Variants in SLC25A24 observed in about 807,000 individuals in gnomAD.
SLC25A24 encodes solute carrier family 25 member 24.
A neutral mutation model predicts 60.7 loss-of-function variants in SLC25A24; 49 were observed. The ratio of observed to expected loss-of-function variants is 0.81; its 90% CI spans 0.64 to 1.02. The LOEUF (loss-of-function observed/expected upper bound fraction) is 1.02. Ranked by LOEUF, SLC25A24 falls within the 50% of genes least tolerant of loss-of-function variation. SLC25A24 has a pLI of 0.00. For synonymous variants in SLC25A24, 202 were observed against 200.6 expected, an observed-to-expected ratio of 1.01 and a Z score of -0.06; for missense variants, 564 against 586.3, an observed-to-expected ratio of 0.96 and a Z score of 0.39.
intron 2 of SLC25A24, among the ~76,000 whole-genome samples, chr1:108,182,285 CAA>C (rs1228406708): frequency 6.6e-6 from 1 of 152,072 alleles, no homozygotes; most frequent in Non-Finnish European, 1.5e-5. Context: ...AATATTCCTC[CAA>C]AGAGACTGAC....
At position 108,134,056 on chromosome 1, in the gene SLC25A24, A is replaced by G. The variant is rs1196231197; in HGVS notation, c.*2597T>C. 4 of 152,218 alleles carry G rather than the reference A, an allele frequency of 2.6e-5. No homozygotes were observed. Among genetic ancestry groups the G allele is most frequent in the Non-Finnish European group, 5.9e-5 (4 of 68,036 alleles). The allele number at this position is 152,218 out of a possible 1,614,324, so 9.4% of individuals were successfully genotyped here. A position where few individuals can be genotyped will look rare whatever the true frequency, so the allele number is the denominator to read the frequency against. On this transcript the variant is annotated 3_prime_UTR_variant, in exon 10 of 10. Coordinates refer to ENST00000565488, the MANE Select transcript of SLC25A24 (RefSeq NM_013386.5). ...TAAAGTACAATCTCTGCTTGCATAA[A>G]TTTATTCTCTTGACTGGGAGACAAG...
chr1:108,163,526 G>T (rs573776174), intron 3 of SLC25A24, among the ~76,000 whole-genome samples: 1 of 151,830 alleles, frequency 6.6e-6, no homozygotes, highest in Non-Finnish European at 1.5e-5. Flanking sequence ...TTGTAAGTTG[G>T]ATTCCTAGGT....
In SLC25A24 at chr1:108,187,933, T is replaced by TATATAG. The variant is rs1553256777; in HGVS notation, c.184-1980_184-1979insCTATAT. On this transcript the variant is annotated intron_variant, in intron 1 of 9. Transcript: ENST00000565488. Reference sequence around the variant, plus strand: ...AAATGGATAAGACATTATAGATATATATATATATATATTCATGCACTGTAT... The same window carrying TATATAG: ...AAATGGATAAGACATTATAGATATATATATAGATATATATATATTCATGCACTGTAT... Among the ~76,000 whole-genome samples, 27 of 141,000 alleles carry TATATAG rather than the reference T, an allele frequency of 1.9e-4. 1 individual carries two copies. Among genetic ancestry groups the TATATAG allele is most frequent in the African/African-American group, 7.1e-4 (27 of 37,832 alleles). The allele number at this position is 141,000 out of a possible 152,430, so 92.5% of individuals were successfully genotyped here. A position where few individuals can be genotyped will look rare whatever the true frequency, so the allele number is the denominator to read the frequency against.
At position 108,157,546 on chromosome 1, in the gene SLC25A24, C is replaced by T; in HGVS notation, c.585G>A (p.Trp195Ter). ...TEDEKKSGQWWRQLLAGGIAG... is the reference protein window; with the variant it reads ...TEDEKKSGQW ...CAATGCCTCCTGCCAAAAGCTGCCT[C>T]CACCATTGTCCGGATTTTTTTTCGT... is the stretch of plus-strand genomic sequence containing the variant. The change falls in exon 5 of 10, where the codon TGG becomes TGA. Residue 195 changes from tryptophan (W) to a stop codon, truncating the protein, a stop_gained. Transcript: ENST00000565488. LOFTEE classifies it high-confidence loss of function. The T allele has an allele frequency of 1.2e-6, 2 of 1,614,128 alleles. No individual in the cohort carries two copies. The highest frequency in any genetic ancestry group is 1.7e-6 in the Non-Finnish European group (2 of 1,180,026).
intron 3 of SLC25A24, among the ~76,000 whole-genome samples, chr1:108,171,175 G>T: frequency 6.7e-6 from 1 of 150,206 alleles, no homozygotes; most frequent in Admixed American, 6.6e-5. Context: ...CCCCTGATTT[G>T]GAAGTTATAT....
At chr1:108,147,046 G>A (rs911335531) in intron 7 of SLC25A24, among the ~76,000 whole-genome samples, 15 of 152,066 alleles carry the variant, frequency 9.9e-5, no homozygotes, top group African/African-American at 3.1e-4. Flanking sequence ...TCTGGTCCTG[G>A]GTTTTTTTTG....
chr1:108,140,787 G>A (rs1474912942), intron 8 of SLC25A24, among the ~76,000 whole-genome samples: 2 of 149,250 alleles, frequency 1.3e-5, no homozygotes, highest in Non-Finnish European at 3.0e-5. Context: ...GCACACAAAG[G>A]GAAATGAGAA....
At chr1:108,173,601 T>C (rs753543418) in intron 3 of SLC25A24, among the ~76,000 whole-genome samples, 1 of 152,146 alleles carries the variant, frequency 6.6e-6, no homozygotes, top group Non-Finnish European at 1.5e-5. Flanking sequence ...CCCAAAAATA[T>C]GGAACTGACT....
intron 4 of SLC25A24, among the ~76,000 whole-genome samples, chr1:108,160,325 C>A (rs1271083994): frequency 2.7e-5 from 4 of 146,780 alleles, no homozygotes; most frequent in Non-Finnish European, 3.0e-5. Flanking sequence ...GGATGGCGGC[C>A]GGGAAGAGGC....
intron 1 of SLC25A24, among the ~76,000 whole-genome samples, chr1:108,189,429 G>C (rs987091621): frequency 6.6e-6 from 1 of 152,158 alleles, no homozygotes; most frequent in African/African-American, 2.4e-5. Flanking sequence ...CTGCCCAGGA[G>C]GTGAATGTCC....
chr1:108,186,274 C>T (rs1648123214), intron 1 of SLC25A24, among the ~76,000 whole-genome samples: 1 of 152,136 alleles, frequency 6.6e-6, no homozygotes, highest in Non-Finnish European at 1.5e-5. Flanking sequence ...TAGAAGACAA[C>T]CACTTGACCT....
chr1:108,140,353 C>G (rs1679411050), intron 8 of SLC25A24, among the ~76,000 whole-genome samples: 1 of 152,044 alleles, frequency 6.6e-6, no homozygotes, highest in Non-Finnish European at 1.5e-5. Context: ...CAAACAAAAG[C>G]TGATACAGCT....
In SLC25A24 at chr1:108,136,578, T is replaced by G; in HGVS notation, c.*75A>C. The G allele has an allele frequency of 7.7e-7, 1 of 1,304,184 alleles. No individual in the cohort carries two copies. The highest frequency in any genetic ancestry group is 1.1e-6 in the Non-Finnish European group (1 of 926,158). The allele number at this position is 1,304,184 out of a possible 1,614,324, so 80.8% of individuals were successfully genotyped here. On this transcript the variant is annotated 3_prime_UTR_variant, in exon 10 of 10. Coordinates refer to ENST00000565488, the MANE Select transcript of SLC25A24 (RefSeq NM_013386.5). ...CAGCTTCTTTTGCCATAGACTTGTT[T>G]CAATTCGAGGAGAAAAAGTCACTCC...
At chr1:108,182,157 A>T in intron 2 of SLC25A24, 129 bp from the exon 3 acceptor site, 1 of 596,974 alleles carries the variant, frequency 1.7e-6, no homozygotes, top group Middle Eastern at 4.4e-4. Flanking sequence ...CATGTAGGTG[A>T]GTTATAGACT....
chr1:108,171,467 A>G (rs1450520883), intron 3 of SLC25A24, among the ~76,000 whole-genome samples: 14 of 152,206 alleles, frequency 9.2e-5, no homozygotes, highest in East Asian at 1.9e-4. Flanking sequence ...GAGGTGGCCC[A>G]CTATGGTCTA....
Position 108,184,135 on chromosome 1 carries a change from T to C in SLC25A24, c.310+1693A>G, listed in dbSNP as rs532209371. ...GTGTAGATTTCCTACAAATATACCA[T>C]CAAAATTTCATCTTTAATTATTGCC... On this transcript the variant is annotated intron_variant, in intron 2 of 9. Transcript: ENST00000565488. Among the ~76,000 whole-genome samples the C allele has an allele frequency of 1.9e-3, 281 of 151,062 alleles. 1 individual carries two copies. The highest frequency in any genetic ancestry group is 6.3e-3 in the African/African-American group (259 of 41,044).
intron 2 of SLC25A24, among the ~76,000 whole-genome samples, chr1:108,182,310 CT>C (rs1264105815): frequency 1.3e-5 from 2 of 152,096 alleles, no homozygotes; most frequent in African/African-American, 4.8e-5. Context: ...CACAAGTGGC[CT>C]TACCAAGTAA....
rs117896407 is a variant in SLC25A24, at chr1:108,140,892, G to C, written c.1099-1684C>G. Reference sequence around the variant, plus strand: ...GAAGGGAAAAACAGAAAAGCCACAGGACAAAGATAAAAAGGTAGCTAGCCA... The same window carrying C: ...GAAGGGAAAAACAGAAAAGCCACAGCACAAAGATAAAAAGGTAGCTAGCCA... On this transcript the variant is annotated intron_variant, in intron 8 of 9. Transcript: ENST00000565488. 2.4e-3 allele frequency among the ~76,000 whole-genome samples: 363 copies of C among 151,052 alleles called. 4 individuals are homozygous for C. In the East Asian group the frequency reaches 0.025, roughly 10 times the overall value.
chr1:108,136,639 C>A lies in SLC25A24; in HGVS notation c.*14G>T. Reference sequence around the variant, plus strand: ...GAAAGTTTCAATTATCAGGCTAAAGCAAAAAATGCAACATCATTTCTGGGT... The same window carrying A: ...GAAAGTTTCAATTATCAGGCTAAAGAAAAAAATGCAACATCATTTCTGGGT... On this transcript the variant is annotated 3_prime_UTR_variant, in exon 10 of 10. Transcript: ENST00000565488. 6.2e-7 allele frequency: 1 copy of A among 1,606,380 alleles called. No homozygotes were observed. The highest frequency in any genetic ancestry group is 8.5e-7 in the Non-Finnish European group (1 of 1,174,748).
Sources: gnomAD v4.1 joint callset for allele counts (sites outside exome capture counted in the v4.1 genomes callset) on GRCh38, gnomAD v4.1.1 for gene constraint, MANE v1.5 for transcripts, NCBI Gene and HGNC (gene_info 2026-07-23, HGNC 2026-07-21) for gene names.